The following PCSK2 variants were observed in gnomAD, a reference collection of about 807,000 sequenced individuals.
PCSK2 encodes the protein proprotein convertase subtilisin/kexin type 2.
Under a neutral mutation model 69.7 loss-of-function variants are expected in PCSK2, and 14 were observed. That is an observed-to-expected ratio of 0.20 (90% CI 0.13 to 0.31). PCSK2 has a LOEUF of 0.31. Among genes scored for constraint, PCSK2 ranks in the 10% least tolerant of loss-of-function variants. The pLI, the probability that PCSK2 is intolerant of heterozygous loss-of-function variation, is 1.00. For synonymous variants in PCSK2, 307 were observed against 320.7 expected (o/e 0.96, Z 0.46); for missense variants, 544 against 842.5 (o/e 0.65, Z 4.39).
At chr20:17,350,768 C>A (rs533809013) in intron 2 of PCSK2, among the ~76,000 whole-genome samples, 1 of 152,234 alleles carries the variant, frequency 6.6e-6, no homozygotes, top group Non-Finnish European at 1.5e-5. Flanking sequence ...TAAGGCCAGG[C>A]GTGGTGGCTT....
intron 8 of PCSK2, among the ~76,000 whole-genome samples, chr20:17,440,149 G>C (rs946041341): frequency 1.3e-5 from 2 of 152,178 alleles, no homozygotes; most frequent in African/African-American, 4.8e-5. Flanking sequence ...CAGACTAGTC[G>C]ATGTCTCCAT....
chr20:17,250,988 T>A (rs1377992209), intron 1 of PCSK2, among the ~76,000 whole-genome samples: 2 of 152,058 alleles, frequency 1.3e-5, no homozygotes, highest in African/African-American at 4.8e-5. Flanking sequence ...TAATCCCAGC[T>A]ACTCGGGCGG....
At chr20:17,308,884 C>T (rs985639653) in intron 2 of PCSK2, among the ~76,000 whole-genome samples, 1 of 152,184 alleles carries the variant, frequency 6.6e-6, no homozygotes, top group African/African-American at 2.4e-5. Context: ...CAGAGGCTCC[C>T]AGGCTTCTTG....
intron 6 of PCSK2, among the ~76,000 whole-genome samples, chr20:17,413,448 A>C (rs1319317592): frequency 4.6e-5 from 7 of 152,350 alleles, no homozygotes; most frequent in African/African-American, 1.7e-4. Flanking sequence ...ACCATTACAT[A>C]ATGGTAAAGG....
Position 17,227,125 on chromosome 20 carries a change from G to A in PCSK2, c.-181G>A, listed in dbSNP as rs1985944083. The A allele has an allele frequency of 1.7e-6, 1 of 572,630 alleles. No individual in the cohort carries two copies. The highest frequency in any genetic ancestry group is 3.1e-6 in the Non-Finnish European group (1 of 325,390). The allele number at this position is 572,630 out of a possible 1,614,324, so 35.5% of individuals were successfully genotyped here. A position where few individuals can be genotyped will look rare whatever the true frequency, so the allele number is the denominator to read the frequency against. ...GCCTGACTGCACGGCTTCCCCTCCA[G>A]CCAGATGCTGGAGAACACACACTGA... On this transcript the variant is annotated 5_prime_UTR_variant, in exon 1 of 12. Transcript: ENST00000262545.
intron 5 of PCSK2, among the ~76,000 whole-genome samples, chr20:17,369,816 C>T (rs1388737382): frequency 6.6e-6 from 1 of 152,194 alleles, no homozygotes; most frequent in Non-Finnish European, 1.5e-5. Flanking sequence ...TTGGACAAAA[C>T]CAAAGGCAAA....
At position 17,453,752 on chromosome 20, in the gene PCSK2, G is replaced by T; in HGVS notation, c.896G>T (p.Gly299Val). 6.2e-7 allele frequency: 1 copy of T among 1,613,290 alleles called. No homozygotes were observed. Among genetic ancestry groups the T allele is most frequent in the Non-Finnish European group, 8.5e-7 (1 of 1,179,898 alleles). The change falls in exon 9 of 12, where the codon GGC becomes GTC. Residue 299 changes from glycine (G) to valine (V), a missense_variant. Transcript: ENST00000262545. The surrounding 1 kb of genome is among the most constrained non-coding windows in gnomAD (Gnocchi z 4.0). Reference sequence around the variant, plus strand: ...CCCTGCTCTCCCCAGGGCCGCGGCGGCAAAGGCAGCATCTACGTGTGGGCC... The same window carrying T: ...CCCTGCTCTCCCCAGGGCCGCGGCGTCAAAGGCAGCATCTACGTGTGGGCC... Reference protein sequence around the residue: ...MADGVNKGRGGKGSIYVWASG... With the variant: ...MADGVNKGRGVKGSIYVWASG...
chr20:17,311,051 G>A lies in PCSK2; in HGVS notation c.283-47276G>A, dbSNP rs950195409. Among the ~76,000 whole-genome samples the A allele has an allele frequency of 2.0e-4, 30 of 147,060 alleles. No homozygotes were observed. The Middle Eastern group carries it at 9.7e-3, about 48-fold the overall frequency. ...AAAAGTGAATAAATGGTCTTCCTCA[G>A]GGATAGAAAGGGTAAAAAATGTTTT... On this transcript the variant is annotated intron_variant, in intron 2 of 11. Transcript: ENST00000262545.
chr20:17,364,683 C>T lies in PCSK2; in HGVS notation c.505+4043C>T, dbSNP rs1453029506. On this transcript the variant is annotated intron_variant, in intron 4 of 11. Transcript: ENST00000262545. ...GATCTGGGGGAGGACACAGCCAAAC[C>T]ATATCCAACCCCAACACTTAGCAGC... 2.0e-5 allele frequency among the ~76,000 whole-genome samples: 3 copies of T among 152,200 alleles called. No homozygotes were observed. In the East Asian group the frequency reaches 5.8e-4, roughly 29 times the overall value.
chr20:17,335,174 G>A (rs1252823164), intron 2 of PCSK2, among the ~76,000 whole-genome samples: 3 of 134,992 alleles, frequency 2.2e-5, no homozygotes, highest in African/African-American at 7.8e-5. Flanking sequence ...TATACTTGCA[G>A]TCAGACGGCA....
chr20:17,408,217 C>T (rs1272638849), intron 5 of PCSK2, among the ~76,000 whole-genome samples: 1 of 151,834 alleles, frequency 6.6e-6, no homozygotes, highest in Non-Finnish European at 1.5e-5. Context: ...TCATTTCAGA[C>T]CCCCAAAACA....
chr20:17,282,984 G>T (rs1238773542), intron 2 of PCSK2, among the ~76,000 whole-genome samples: 1 of 152,076 alleles, frequency 6.6e-6, no homozygotes, highest in Non-Finnish European at 1.5e-5. Flanking sequence ...GTTAGGATTG[G>T]GGATCTTAGG....
In PCSK2 at chr20:17,390,879, T is replaced by C. The variant is rs6034813; in HGVS notation, c.544-18384T>C. On this transcript the variant is annotated intron_variant, in intron 5 of 11. Transcript: ENST00000262545. The stretch of plus-strand genomic sequence containing the variant: ...GCAGTTCTGCATGGATCTTTCCAGA[T>C]TTTTTTTCTCCCCCAACTGCAATCA... Among the ~76,000 whole-genome samples, 1,424 of 152,174 alleles carry C rather than the reference T, an allele frequency of 9.4e-3. 9 individuals are homozygous for C. The highest frequency in any genetic ancestry group is 0.015 in the South Asian group (73 of 4,814).
At chr20:17,264,536 C>G (rs1329531421) in intron 2 of PCSK2, among the ~76,000 whole-genome samples, 1 of 152,172 alleles carries the variant, frequency 6.6e-6, no homozygotes, top group Non-Finnish European at 1.5e-5. Flanking sequence ...GCCACACGTT[C>G]TGGTAGTGAT....
intron 2 of PCSK2, among the ~76,000 whole-genome samples, chr20:17,356,102 C>T (rs1388678685): frequency 6.6e-6 from 1 of 152,016 alleles, no homozygotes; most frequent in Non-Finnish European, 1.5e-5. Flanking sequence ...TATATACACA[C>T]ATACACATAT....
At chr20:17,481,495 C>A in intron 11 of PCSK2, 89 bp from the exon 12 acceptor site, 3 of 1,239,470 alleles carry the variant, frequency 2.4e-6, no homozygotes, top group Non-Finnish European at 3.4e-6. Flanking sequence ...AAAGCCCTTG[C>A]CCTTTCCGCC....
intron 5 of PCSK2, among the ~76,000 whole-genome samples, chr20:17,395,860 C>T (rs1357170917): frequency 1.3e-5 from 2 of 152,152 alleles, no homozygotes; most frequent in Non-Finnish European, 2.9e-5. Flanking sequence ...TATCAGTGAA[C>T]TCATCTTTGC....
intron 2 of PCSK2, among the ~76,000 whole-genome samples, chr20:17,325,123 A>G (rs1370552761): frequency 6.6e-6 from 1 of 152,086 alleles, no homozygotes; most frequent in Non-Finnish European, 1.5e-5. Flanking sequence ...TCCTTTGAGA[A>G]ATTCATCTCC....
chr20:17,359,003 A>ATT (rs1292505815), intron 3 of PCSK2, among the ~76,000 whole-genome samples: 5 of 152,200 alleles, frequency 3.3e-5, no homozygotes, highest in African/African-American at 1.2e-4. Context: ...TGAAGTGAGC[A>ATT]TTTTGTGGGT....
Sources: allele counts gnomAD v4.1 joint callset (sites outside exome capture counted in the v4.1 genomes callset), GRCh38; gene constraint gnomAD v4.1.1; non-coding constraint Gnocchi (gnomAD v3.1); transcripts MANE v1.5; gene names NCBI Gene and HGNC (gene_info 2026-07-23, HGNC 2026-07-21).